The following ADAP1 variants were observed in gnomAD, a reference collection of about 807,000 sequenced individuals.
ADAP1 encodes arf-GAP with dual PH domain-containing protein 1.
Under a neutral mutation model 54.9 loss-of-function variants are expected in ADAP1, and 31 were observed. The observed-to-expected ratio is 0.56, with a 90% CI of 0.42 to 0.76. The LOEUF (loss-of-function observed/expected upper bound fraction) is 0.76, where lower values mean the gene tolerates loss of function less well. ADAP1 is among the 30% of genes least tolerant of loss of function. ADAP1 has a pLI of 0.00. For missense variants in ADAP1, 535 were observed against 512.4 expected, an observed-to-expected ratio of 1.04 and a Z score of -0.42; for synonymous variants, 313 against 202.6, an observed-to-expected ratio of 1.55 and a Z score of -4.63.
At chr7:951,962 C>T (rs1458275569) in intron 1 of ADAP1, among the ~76,000 whole-genome samples, 5 of 152,180 alleles carry the variant, frequency 3.3e-5, no homozygotes, top group Non-Finnish European at 7.3e-5. Flanking sequence ...CCACCGCGCC[C>T]GGTCCCTGTC....
At position 905,300 on chromosome 7, in the gene ADAP1, G is replaced by A. The variant is rs1303845749; in HGVS notation, c.389-128C>T. The A allele has an allele frequency of 5.1e-5, 15 of 296,252 alleles. 2 individuals carry two copies. The Admixed American group carries it at 5.7e-4, about 11-fold the overall frequency. 18.4% of individuals were successfully genotyped at this position (296,252 alleles called of 1,614,324 possible). A position where few individuals can be genotyped will look rare whatever the true frequency, so the allele number is the denominator to read the frequency against. On this transcript the variant is annotated intron_variant, in intron 4 of 10. Coordinates refer to ENST00000265846, the MANE Select transcript of ADAP1 (RefSeq NM_006869.4). The stretch of plus-strand genomic sequence containing the variant: ...GGGACACGGACGGGGGACACGGACA[G>A]GGGGAGACGGACGGGGAGAGGGGAC...
At chr7:900,855 G>C (rs1046115930) in intron 6 of ADAP1, 1 of 610,840 alleles carries the variant, frequency 1.6e-6, no homozygotes, top group African/African-American at 2.3e-5. Flanking sequence ...CTCCCCCGGC[G>C]AAGTCCTGAG....
chr7:927,420 G>A, intron 2 of ADAP1: 1 of 492,724 alleles, frequency 2.0e-6, no homozygotes, highest in South Asian at 1.5e-5. Flanking sequence ...CCGAGGGCAT[G>A]GGAGAGGTTC....
intron 1 of ADAP1, among the ~76,000 whole-genome samples, chr7:951,901 A>T (rs1847280790): frequency 6.6e-6 from 1 of 152,170 alleles, no homozygotes. Context: ...TCCTGGCCTC[A>T]AGCGATCCTC....
At chr7:951,677 G>C (rs1224484168) in intron 1 of ADAP1, among the ~76,000 whole-genome samples, 1 of 152,164 alleles carries the variant, frequency 6.6e-6, no homozygotes, top group Non-Finnish European at 1.5e-5. Flanking sequence ...AGAGGCTGCA[G>C]TGAGTTGAGA....
At position 938,748 on chromosome 7, in the gene ADAP1, A is replaced by G. The variant is rs1846854345; in HGVS notation, c.83-3243T>C. On this transcript the variant is annotated intron_variant, in intron 1 of 10. Transcript: ENST00000265846. This position sits in a 1 kb window ranked among gnomAD's most constrained non-coding sequence, Gnocchi z 4.4. ...CAACATGAGCCCAGCTGGGAACATC[A>G]CCGCTCGGGGTGCAGTGGGGGGCCC... Among the ~76,000 whole-genome samples, 1 of 152,060 alleles carries G rather than the reference A, an allele frequency of 6.6e-6. No individual in the cohort carries two copies. The highest frequency in any genetic ancestry group is 2.4e-5 in the African/African-American group (1 of 41,400).
In ADAP1 at chr7:920,142, A is replaced by C; in HGVS notation, c.306-92T>G. The C allele has an allele frequency of 8.6e-7, 1 of 1,159,504 alleles. No individual in the cohort carries two copies. Among genetic ancestry groups the C allele is most frequent in the Non-Finnish European group, 1.2e-6 (1 of 810,776 alleles). The allele number at this position is 1,159,504 out of a possible 1,614,324, so 71.8% of individuals were successfully genotyped here. On this transcript the variant is annotated intron_variant, in intron 3 of 10. Coordinates refer to ENST00000265846, the MANE Select transcript of ADAP1 (RefSeq NM_006869.4). The surrounding 1 kb of genome is among the most constrained non-coding windows in gnomAD (Gnocchi z 4.5). ...TGGCCCGGACCCTGGACATCTCAAG[A>C]GGCTCATAGGGACCCCCGGCAGACT...
chr7:909,829 C>T (rs1583143232), intron 4 of ADAP1, among the ~76,000 whole-genome samples: 1 of 151,732 alleles, frequency 6.6e-6, no homozygotes, highest in Non-Finnish European at 1.5e-5. Flanking sequence ...GAGCTGGTCC[C>T]GCTGTGTGTC....
chr7:900,171 C>T lies in ADAP1; in HGVS notation c.733-7G>A, dbSNP rs751781711. 3.1e-6 allele frequency: 5 copies of T among 1,613,056 alleles called. No homozygotes were observed. The South Asian group carries it at 4.4e-5, about 14-fold the overall frequency. The stretch of plus-strand genomic sequence containing the variant: ...TGGAGAGCTTTGGCACCAGCTAGGG[C>T]AGGACACACCAGGCAGGGGACCTCA... On this transcript the variant is annotated splice_polypyrimidine_tract_variant and splice_region_variant and intron_variant, in intron 7 of 10. Coordinates refer to ENST00000265846, the MANE Select transcript of ADAP1 (RefSeq NM_006869.4).
rs1227878932 is a variant in ADAP1 at position 938,811 on chromosome 7, C to T, written c.83-3306G>A. Reference sequence around the variant, plus strand: ...CATGGCAATGCTGTTGGTTCTGCTCCGACAGTGTGGACCACGGACCCAGGC... The same window carrying T: ...CATGGCAATGCTGTTGGTTCTGCTCTGACAGTGTGGACCACGGACCCAGGC... On this transcript the variant is annotated intron_variant, in intron 1 of 10. Coordinates refer to ENST00000265846, the MANE Select transcript of ADAP1 (RefSeq NM_006869.4). The surrounding 1 kb of genome is among the most constrained non-coding windows in gnomAD (Gnocchi z 4.4). Among the ~76,000 whole-genome samples the T allele has an allele frequency of 6.6e-6, 1 of 152,208 alleles. No individual in the cohort carries two copies. Among genetic ancestry groups the T allele is most frequent in the Non-Finnish European group, 1.5e-5 (1 of 68,040 alleles).
intron 4 of ADAP1, among the ~76,000 whole-genome samples, chr7:907,773 C>T (rs985779636): frequency 4.6e-5 from 7 of 152,210 alleles, no homozygotes; most frequent in African/African-American, 9.6e-5. Flanking sequence ...GTGCAGGTCC[C>T]GCCGTTGGCA....
In ADAP1 at chr7:898,885, G is replaced by GT. The variant is rs759818942; in HGVS notation, c.*35dup. 5.4e-4 allele frequency: 846 copies of GT among 1,578,730 alleles called. 1 individual carries two copies. Among genetic ancestry groups the GT allele is most frequent in the Non-Finnish European group, 7.0e-4 (818 of 1,164,006 alleles). On this transcript the variant is annotated 3_prime_UTR_variant, in exon 11 of 11. Transcript: ENST00000265846. ...CACGGGTCCCCTCCGTCCAGCCACAGTGAGTCCAATGTCCGTGGTCCTCCA... is the reference window on the plus strand; with the variant it reads ...CACGGGTCCCCTCCGTCCAGCCACAGTTGAGTCCAATGTCCGTGGTCCTCCA...
At chr7:924,787 T>TA (rs959051167) in intron 3 of ADAP1, among the ~76,000 whole-genome samples, 6 of 149,970 alleles carry the variant, frequency 4.0e-5, no homozygotes, top group African/African-American at 7.4e-5. Context: ...AGCCAGGGAG[T>TA]GGGAGGAACT....
chr7:920,865 G>T lies in ADAP1; in HGVS notation c.306-815C>A. 5 of 1,550,112 alleles carry T rather than the reference G, an allele frequency of 3.2e-6. No homozygotes were observed. Among genetic ancestry groups the T allele is most frequent in the Non-Finnish European group, 4.4e-6 (5 of 1,146,870 alleles). On this transcript the variant is annotated intron_variant, in intron 3 of 10. Transcript: ENST00000265846. This position sits in a 1 kb window ranked among gnomAD's most constrained non-coding sequence, Gnocchi z 4.5. ...CCCAGGTGCACAGGCAGCCGCCCCA[G>T]CCTTTTCCACTCCCAGGGAATTACG...
intron 6 of ADAP1, among the ~76,000 whole-genome samples, chr7:903,664 C>A (rs563848949): frequency 1.3e-5 from 2 of 152,042 alleles, no homozygotes; most frequent in South Asian, 4.1e-4. Context: ...CACCCACCCT[C>A]CCCGCCGCCA....
rs147122711 is a variant in ADAP1, at chr7:929,219, G to A, written c.214-2575C>T. Among the ~76,000 whole-genome samples, 348 of 151,802 alleles carry A rather than the reference G, an allele frequency of 2.3e-3. 2 individuals carry two copies. Among genetic ancestry groups the A allele is most frequent in the African/African-American group, 7.4e-3 (308 of 41,344 alleles). The stretch of plus-strand genomic sequence containing the variant: ...AGGCAGGAGAATCGCTTGAACCCGG[G>A]AGGCAGAGGTTGCAGTGAGCAGAGA... On this transcript the variant is annotated intron_variant, in intron 2 of 10. Coordinates refer to ENST00000265846, the MANE Select transcript of ADAP1 (RefSeq NM_006869.4).
intron 4 of ADAP1, among the ~76,000 whole-genome samples, chr7:906,759 CAGGGGACAT>C (rs1845455499): frequency 1.9e-4 from 3 of 16,178 alleles, no homozygotes; most frequent in Non-Finnish European, 3.6e-4. Context: ...GGGACATGGA[CAGGGGACAT>C]GGGGGACAGG....
At chr7:908,929 G>C (rs1038097234) in intron 4 of ADAP1, among the ~76,000 whole-genome samples, 1 of 152,230 alleles carries the variant, frequency 6.6e-6, no homozygotes, top group Non-Finnish European at 1.5e-5. Flanking sequence ...CCAGGACACA[G>C]CGGGGGCCCC....
chr7:955,229 A>G, upstream of ADAP1: 1 of 1,444,710 alleles, frequency 6.9e-7, no homozygotes. Flanking sequence ...AGGCAGGCTG[A>G]GGGGCCCCGC....
Sources: allele counts gnomAD v4.1 joint callset (sites outside exome capture counted in the v4.1 genomes callset), GRCh38; gene constraint gnomAD v4.1.1; non-coding constraint Gnocchi (gnomAD v3.1); transcripts MANE v1.5; gene names NCBI Gene and HGNC (gene_info 2026-07-23, HGNC 2026-07-21).